PRKDC: variants seen among roughly 807,000 people sequenced by gnomAD.
PRKDC encodes protein kinase, DNA-activated, catalytic subunit.
In PRKDC, 82 loss-of-function variants were observed where a neutral mutation model predicts 486.9. The ratio of observed to expected loss-of-function variants is 0.17; its 90% CI spans 0.14 to 0.20. The LOEUF (loss-of-function observed/expected upper bound fraction) is 0.20, where lower values mean the gene tolerates loss of function less well. Among genes scored for constraint, PRKDC ranks in the 10% least tolerant of loss-of-function variants. PRKDC has a pLI of 1.00. For missense variants in PRKDC, 4,504 were observed against 5,038.2 expected (o/e 0.89, Z 3.21); for synonymous variants, 1,895 against 1,837.0 (o/e 1.03, Z -0.81).
At chr8:47,787,999 T>C (rs2086818780) in intron 76 of PRKDC, among the ~76,000 whole-genome samples, 1 of 152,238 alleles carries the variant, frequency 6.6e-6, no homozygotes, top group East Asian at 1.9e-4. Flanking sequence ...GCTCTTCCTT[T>C]GCCCTATACA....
At chr8:47,851,687 G>A (rs940231746) in intron 52 of PRKDC, among the ~76,000 whole-genome samples, 1 of 152,230 alleles carries the variant, frequency 6.6e-6, no homozygotes, top group Admixed American at 6.5e-5. Context: ...AAAGCCATGA[G>A]GCTGGACGAG....
In PRKDC at chr8:47,889,016, C is replaced by G. The variant is rs1355159050; in HGVS notation, c.4278G>C (p.Gln1426His). The G allele has an allele frequency of 1.2e-6, 2 of 1,613,262 alleles. No homozygotes were observed. The highest frequency in any genetic ancestry group is 2.2e-5 in the South Asian group (2 of 91,046). ...ETHLREKITA[Q>H]SIEELCAVNL... is the part of the protein sequence containing the mutation. ...CCGATTGTGACCCAAGTACCCACCT[C>G]TGTGCTGTTATTTTCTCTCTCAGAT... The change falls in exon 33 of 86, where the codon CAG (glutamine) becomes CAC (histidine). Residue 1426 changes from glutamine (Q) to histidine (H), a missense_variant and splice_region_variant. By Grantham distance (24) the Gln-to-His change is conservative. Around this residue, in one of 6 missense-constraint regions of PRKDC, gnomAD observed 1,969 missense variants for 2,068.9 expected, o/e 0.95. Coordinates refer to ENST00000314191, the MANE Select transcript of PRKDC (RefSeq NM_006904.7).
intron 76 of PRKDC, among the ~76,000 whole-genome samples, chr8:47,786,795 T>C (rs532332048): frequency 1.5e-5 from 2 of 131,020 alleles, no homozygotes; most frequent in African/African-American, 5.8e-5. Flanking sequence ...GGTGGTGCGA[T>C]CTCGGCTCAC....
At chr8:47,935,236 TCATGCCTGTAATCC>T (rs1316333175) in intron 13 of PRKDC, among the ~76,000 whole-genome samples, 178 bp from the exon 14 acceptor site, 1 of 152,202 alleles carries the variant, frequency 6.6e-6, no homozygotes, top group Non-Finnish European at 1.5e-5. Flanking sequence ...GCGCGGTGGC[TCATGCCTGTAATCC>T]CAGCACTTTG....
At chr8:47,799,088 A>G (rs1401544662) in intron 72 of PRKDC, 122 bp downstream of exon 72, 23 of 1,295,642 alleles carry the variant, frequency 1.8e-5, no homozygotes, top group Middle Eastern at 3.9e-4. Context: ...TTAAAAAGAC[A>G]GTAGGATTTT....
intron 74 of PRKDC, among the ~76,000 whole-genome samples, chr8:47,793,250 T>C (rs1193900528): frequency 6.6e-6 from 1 of 152,210 alleles, no homozygotes; most frequent in Non-Finnish European, 1.5e-5. Flanking sequence ...AGACAATAGC[T>C]GTCTGTTCAG....
chr8:47,866,156 CAAAAAAAAAAAA>C (rs766279016), intron 40 of PRKDC, among the ~76,000 whole-genome samples: 2 of 52,328 alleles, frequency 3.8e-5, no homozygotes, highest in South Asian at 7.0e-4. Flanking sequence ...AACTCCGTCG[CAAAAAAAAAAAA>C]AAAAAAAAAA....
At chr8:47,908,247 T>C (rs1415965657) in intron 25 of PRKDC, among the ~76,000 whole-genome samples, 1 of 152,258 alleles carries the variant, frequency 6.6e-6, no homozygotes, top group African/African-American at 2.4e-5. Flanking sequence ...TGAAGTTCCT[T>C]GTTTACAAAA....
chr8:47,881,527 G>A lies in PRKDC; in HGVS notation c.4963-7C>T, dbSNP rs1368275730. On this transcript the variant is annotated splice_polypyrimidine_tract_variant and splice_region_variant and intron_variant, in intron 37 of 85. Transcript: ENST00000314191. The stretch of plus-strand genomic sequence containing the variant: ...AAGATACAGATGAATCAATCTAAAG[G>A]AAGGAAAAGAAAAACAGGACACATT... 1 of 1,395,654 alleles carries A rather than the reference G, an allele frequency of 7.2e-7. No homozygotes were observed. The highest frequency in any genetic ancestry group is 2.2e-5 in the Admixed American group (1 of 45,054). 86.5% of individuals were successfully genotyped at this position (1,395,654 alleles called of 1,614,324 possible). A position where few individuals can be genotyped will look rare whatever the true frequency, so the allele number is the denominator to read the frequency against.
intron 48 of PRKDC, 71 bp from the exon 49 acceptor site, chr8:47,857,370 A>G: frequency 6.8e-7 from 1 of 1,464,778 alleles, no homozygotes. Flanking sequence ...ACAAGACTGT[A>G]TCTTCCATCA....
intron 4 of PRKDC, among the ~76,000 whole-genome samples, chr8:47,955,461 C>CA (rs746883720): frequency 0.064 from 1,168 of 18,234 alleles, 121 homozygotes; most frequent in African/African-American, 0.085. Flanking sequence ...GACTCCGTCT[C>CA]AAAAAAAAAA....
Position 47,957,208 on chromosome 8 carries a change from AT to A in PRKDC, c.286del (p.Met96TrpfsTer67). 2 of 1,600,650 alleles carry A rather than the reference AT, an allele frequency of 1.2e-6. No individual in the cohort carries two copies. Among genetic ancestry groups the A allele is most frequent in the South Asian group, 1.1e-5 (1 of 90,478 alleles). ...LKFLCIFLEK[M>X]GQKIAPYSVE... ...AGAGTAAGGTGCGATCTTCTGGCCC[AT>A]TTTTTCTAAGAAAATACATAAAAAC... On this transcript the variant is annotated frameshift_variant, in exon 3 of 86. Coordinates refer to ENST00000314191, the MANE Select transcript of PRKDC (RefSeq NM_006904.7). LOFTEE classifies it high-confidence loss of function.
At chr8:47,932,922 T>G in intron 16 of PRKDC, 98 bp downstream of exon 16, 1 of 1,102,342 alleles carries the variant, frequency 9.1e-7, no homozygotes, top group Non-Finnish European at 1.3e-6. Flanking sequence ...TTTTCTCCAG[T>G]TCTCCTCTAC....
At chr8:47,809,845 G>C (rs2087293312) in intron 68 of PRKDC, among the ~76,000 whole-genome samples, 1 of 152,184 alleles carries the variant, frequency 6.6e-6, no homozygotes, top group South Asian at 2.1e-4. Flanking sequence ...ATTGGGATGA[G>C]CTTCCTGTTT....
At chr8:47,919,914 T>C (rs559537733) in intron 21 of PRKDC, among the ~76,000 whole-genome samples, 2 of 152,128 alleles carry the variant, frequency 1.3e-5, no homozygotes, top group South Asian at 2.1e-4. Flanking sequence ...ACACTGAAAG[T>C]TGTGGGTTTA....
At chr8:47,791,599 C>G (rs753452012) in intron 74 of PRKDC, among the ~76,000 whole-genome samples, 20 of 152,044 alleles carry the variant, frequency 1.3e-4, no homozygotes, top group Admixed American at 2.6e-4. Flanking sequence ...CAAAAGAAAA[C>G]ATACAAATGG....
intron 40 of PRKDC, among the ~76,000 whole-genome samples, chr8:47,869,690 G>A (rs973814492): frequency 6.6e-5 from 10 of 151,972 alleles, no homozygotes; most frequent in Non-Finnish European, 1.3e-4. Flanking sequence ...TTGCAACATG[G>A]GCACCAGCTT....
At chr8:47,845,306 T>A (rs572978832) in intron 54 of PRKDC, among the ~76,000 whole-genome samples, 1 of 151,146 alleles carries the variant, frequency 6.6e-6, no homozygotes, top group Non-Finnish European at 1.5e-5. Flanking sequence ...TTGAATGAAA[T>A]TGTGATCCAA....
intron 70 of PRKDC, among the ~76,000 whole-genome samples, chr8:47,802,110 C>T (rs573935448): frequency 1.3e-5 from 2 of 152,198 alleles, no homozygotes; most frequent in East Asian, 3.9e-4. Flanking sequence ...ACTGCCCAGG[C>T]CAGAATACAG....
Sources: allele counts gnomAD v4.1 joint callset (sites outside exome capture counted in the v4.1 genomes callset), GRCh38; gene constraint gnomAD v4.1.1; regional missense constraint gnomAD v4.1.1; transcripts MANE v1.5; gene names NCBI Gene and HGNC (gene_info 2026-07-23, HGNC 2026-07-21).